Variants in FHIT observed in about 807,000 individuals in gnomAD.
The protein encoded by FHIT is fragile histidine triad diadenosine triphosphatase, also known as bis(5'-adenosyl)-triphosphatase.
In FHIT, 19 loss-of-function variants were observed where a neutral mutation model predicts 17.9. The observed-to-expected ratio is 1.06, with a 90% CI of 0.74 to 1.56. The LOEUF (loss-of-function observed/expected upper bound fraction) is 1.56. FHIT is among the 40% of genes most tolerant of loss of function. The probability of loss-of-function intolerance (pLI) is 0.00; values close to 1 mark genes in which losing one functional copy is unlikely to be tolerated. For synonymous variants in FHIT, 81 were observed against 69.7 expected (o/e 1.16, Z -0.81); for missense variants, 248 against 189.2 (o/e 1.31, Z -1.82).
At chr3:60,593,868 C>CA (rs1169449680) in intron 4 of FHIT, among the ~76,000 whole-genome samples, 32 of 151,772 alleles carry the variant, frequency 2.1e-4, no homozygotes, top group African/African-American at 6.8e-4. Flanking sequence ...TTCTATTTCA[C>CA]AAAAAAAACT....
chr3:60,107,884 T>A (rs972695394), intron 5 of FHIT, among the ~76,000 whole-genome samples: 1 of 152,198 alleles, frequency 6.6e-6, no homozygotes, highest in African/African-American at 2.4e-5. Context: ...CAGGAAAGAA[T>A]AGTGTTGACA....
chr3:60,514,072 C>G (rs1576792398), intron 5 of FHIT, among the ~76,000 whole-genome samples: 1 of 152,180 alleles, frequency 6.6e-6, no homozygotes, highest in East Asian at 1.9e-4. Context: ...CCCCATCCTG[C>G]TGAGATCCAC....
At chr3:60,222,099 G>A (rs529958689) in intron 5 of FHIT, among the ~76,000 whole-genome samples, 2 of 152,180 alleles carry the variant, frequency 1.3e-5, no homozygotes, top group East Asian at 3.9e-4. Flanking sequence ...TGCTAGTTAA[G>A]CATTTCCATC....
intron 1 of FHIT, among the ~76,000 whole-genome samples, chr3:61,219,136 T>G (rs956786372): frequency 7.9e-5 from 12 of 152,212 alleles, no homozygotes; most frequent in African/African-American, 2.7e-4. Context: ...GATAAGTATT[T>G]GTGTATCTAA....
intron 7 of FHIT, among the ~76,000 whole-genome samples, chr3:59,965,605 G>A (rs1707890486): frequency 6.6e-6 from 1 of 152,092 alleles, no homozygotes; most frequent in African/African-American, 2.4e-5. Context: ...ACAAAGCTGA[G>A]AGGTAGACCT....
intron 5 of FHIT, among the ~76,000 whole-genome samples, chr3:60,029,939 T>G (rs992110579): frequency 8.7e-5 from 6 of 68,854 alleles, no homozygotes; most frequent in African/African-American, 3.2e-4. Context: ...ACAAATGTGA[T>G]GGCCTTGGTG....
intron 1 of FHIT, among the ~76,000 whole-genome samples, chr3:61,207,339 G>C (rs545600065): frequency 6.6e-6 from 1 of 152,210 alleles, no homozygotes; most frequent in African/African-American, 2.4e-5. Context: ...CTCATAAAAT[G>C]AGTTAGGGAG....
At chr3:61,232,068 A>T (rs2040118604) in intron 1 of FHIT, among the ~76,000 whole-genome samples, 1 of 152,234 alleles carries the variant, frequency 6.6e-6, no homozygotes, top group African/African-American at 2.4e-5. Flanking sequence ...GCAATACAAG[A>T]CTGTCCATAT....
chr3:60,976,096 CTTTTTTTT>C (rs869239307), intron 3 of FHIT, among the ~76,000 whole-genome samples: 15 of 66,758 alleles, frequency 2.2e-4, no homozygotes, highest in Admixed American at 8.6e-4. Flanking sequence ...TTTTCTTTTT[CTTTTTTTT>C]TTTTTTTTTT....
At chr3:60,306,799 T>G (rs759497730) in intron 5 of FHIT, among the ~76,000 whole-genome samples, 1 of 152,178 alleles carries the variant, frequency 6.6e-6, no homozygotes, top group Non-Finnish European at 1.5e-5. Context: ...CTAATCACAC[T>G]TGGCATGTTT....
intron 5 of FHIT, among the ~76,000 whole-genome samples, chr3:60,425,071 G>A (rs900754416): frequency 6.6e-6 from 1 of 152,032 alleles, no homozygotes; most frequent in Non-Finnish European, 1.5e-5. Context: ...AGCTGAACGT[G>A]CCTTCCTAGG....
intron 5 of FHIT, among the ~76,000 whole-genome samples, chr3:60,448,233 T>C (rs1182635328): frequency 6.6e-6 from 1 of 152,116 alleles, no homozygotes; most frequent in Non-Finnish European, 1.5e-5. Context: ...TGCCCAGGCA[T>C]TCAAATGATG....
At chr3:59,872,280 G>T (rs145907965) in intron 8 of FHIT, among the ~76,000 whole-genome samples, 3 of 152,192 alleles carry the variant, frequency 2.0e-5, no homozygotes, top group Non-Finnish European at 4.4e-5. Flanking sequence ...TGCTGCCCTG[G>T]GCTCAGGCAA....
At chr3:60,808,466 G>A (rs1181421679) in intron 4 of FHIT, among the ~76,000 whole-genome samples, 10 of 152,084 alleles carry the variant, frequency 6.6e-5, no homozygotes, top group Admixed American at 6.6e-4. Context: ...TCTTTGAGAG[G>A]CTCAACCCCA....
At chr3:60,379,356 TTCAG>T (rs1349282329) in intron 5 of FHIT, among the ~76,000 whole-genome samples, 8 of 152,102 alleles carry the variant, frequency 5.3e-5, no homozygotes, top group African/African-American at 1.2e-4. Flanking sequence ...AAATATTGCT[TTCAG>T]TCAGTGATGA....
intron 4 of FHIT, among the ~76,000 whole-genome samples, chr3:60,579,227 G>A (rs2037674896): frequency 6.6e-6 from 1 of 152,126 alleles, no homozygotes; most frequent in African/African-American, 2.4e-5. Flanking sequence ...ATACACATAG[G>A]CTATACGCTA....
chr3:61,161,172 C>T (rs1428918551), intron 2 of FHIT, among the ~76,000 whole-genome samples: 1 of 147,830 alleles, frequency 6.8e-6, no homozygotes, highest in Non-Finnish European at 1.5e-5. Flanking sequence ...TTTCACAGCA[C>T]TTTCACCCAT....
chr3:61,060,389 C>T (rs529586051), intron 2 of FHIT, among the ~76,000 whole-genome samples: 1 of 152,272 alleles, frequency 6.6e-6, no homozygotes, highest in East Asian at 1.9e-4. Flanking sequence ...TATAGCTGAA[C>T]AGGCTGCCAC....
intron 5 of FHIT, among the ~76,000 whole-genome samples, chr3:60,432,017 C>T (rs1702927425): frequency 6.6e-6 from 1 of 152,024 alleles, no homozygotes; most frequent in African/African-American, 2.4e-5. Context: ...ACTCTGTCAC[C>T]CAGGCTAGAG....
Sources: gnomAD v4.1 joint callset for allele counts (sites outside exome capture counted in the v4.1 genomes callset) on GRCh38, gnomAD v4.1.1 for gene constraint, MANE v1.5 for transcripts, NCBI Gene and HGNC (gene_info 2026-07-23, HGNC 2026-07-21) for gene names.